Variants in CDH19 observed in about 807,000 individuals in gnomAD.
CDH19 encodes cadherin 19, also known as cadherin-19.
CDH19 carries 67 observed loss-of-function variants against 64.2 expected under a neutral mutation model. That is an observed-to-expected ratio of 1.04 (90% confidence interval 0.86 to 1.28). The LOEUF is 1.28. CDH19 is among the 50% of genes most tolerant of loss of function. The pLI is 0.00. For missense variants in CDH19, 1,030 were observed against 929.0 expected (o/e 1.11, Z -1.41); for synonymous variants, 346 against 319.3 (o/e 1.08, Z -0.89).
Position 66,505,305 on chromosome 18 carries a change from G to C in CDH19, c.1829-3C>G. The C allele has an allele frequency of 1.3e-6, 2 of 1,538,730 alleles. No individual in the cohort carries two copies. Among genetic ancestry groups the C allele is most frequent in the Middle Eastern group, 3.5e-4 (2 of 5,678 alleles). On this transcript the variant is annotated splice_region_variant and splice_polypyrimidine_tract_variant and intron_variant, in intron 11 of 11. Coordinates refer to ENST00000262150, the MANE Select transcript of CDH19 (RefSeq NM_021153.4). ...ACCCAAAGTCAAAAAAATAAACCCT[G>C]ATGAAGAAAGCACATCAGAATATCA...
intron 1 of CDH19, among the ~76,000 whole-genome samples, chr18:66,600,268 A>G (rs1989005590): frequency 6.6e-6 from 1 of 151,830 alleles, no homozygotes. Context: ...GAAAGGGATG[A>G]TGTTTTATAT....
At chr18:66,602,073 GACA>G (rs1989050807) in intron 1 of CDH19, among the ~76,000 whole-genome samples, 1 of 151,838 alleles carries the variant, frequency 6.6e-6, no homozygotes, top group African/African-American at 2.4e-5. Flanking sequence ...AAATCGTCGT[GACA>G]ACAAATTTTT....
chr18:66,564,718 T>C (rs977582692), intron 3 of CDH19, among the ~76,000 whole-genome samples: 5 of 151,960 alleles, frequency 3.3e-5, no homozygotes, highest in Admixed American at 6.6e-5. Context: ...CTATTTATTA[T>C]GGTTGTTTTC....
At position 66,568,459 on chromosome 18, in the gene CDH19, T is replaced by C. The variant is rs982890632; in HGVS notation, c.447A>G (p.Leu149=). The C allele has an allele frequency of 1.1e-5, 17 of 1,611,930 alleles. No individual in the cohort carries two copies. Among genetic ancestry groups the C allele is most frequent in the Non-Finnish European group, 1.4e-5 (16 of 1,178,770 alleles). The change falls in exon 3 of 12, where the codon CTA becomes CTG. Residue 149 remains leucine (L), a synonymous_variant. Transcript: ENST00000262150. ...GTACAATGGCCTCATAAGGTTCATC[T>C]AGGAATTTTGGTTCATTGTCATTGA... ...SDINDNEPKF[L]DEPYEAIVPE... is the part of the protein sequence containing the mutation.
In CDH19 at chr18:66,551,184, T is replaced by C. The variant is rs781606692; in HGVS notation, c.685A>G (p.Met229Val). 7 of 1,601,352 alleles carry C rather than the reference T, an allele frequency of 4.4e-6. 1 individual carries two copies. In the South Asian group the frequency reaches 5.5e-5, roughly 13 times the overall value. Reference sequence around the variant, plus strand: ...GACAACGCTCCTGGCTGACCAATCATGTCCTTGGCTTGAATGATTACCCAA... The same window carrying C: ...GACAACGCTCCTGGCTGACCAATCACGTCCTTGGCTTGAATGATTACCCAA... ...EYWVIIQAKD[M>V]IGQPGALSGT... The change falls in exon 5 of 12, where the codon ATG becomes GTG. Residue 229 changes from methionine (M) to valine (V), a missense_variant. Met to Val is a conservative substitution (Grantham distance 21). Transcript: ENST00000262150.
At chr18:66,594,497 T>C (rs1309779791) in intron 1 of CDH19, among the ~76,000 whole-genome samples, 3 of 151,980 alleles carry the variant, frequency 2.0e-5, no homozygotes, top group African/African-American at 7.2e-5. Context: ...TGCTCTAAAA[T>C]CAACCACACA....
chr18:66,594,126 T>G (rs1319702479), intron 1 of CDH19, among the ~76,000 whole-genome samples: 3 of 152,084 alleles, frequency 2.0e-5, no homozygotes, highest in Non-Finnish European at 4.4e-5. Flanking sequence ...GCTACTATTC[T>G]TCTTTCAGAC....
At chr18:66,520,297 C>T (rs533782078) in intron 9 of CDH19, among the ~76,000 whole-genome samples, 7 of 150,346 alleles carry the variant, frequency 4.7e-5, no homozygotes, top group African/African-American at 1.7e-4. Context: ...TAAACTCTGG[C>T]CATCCTGGGG....
At chr18:66,596,515 T>C (rs1231287846) in intron 1 of CDH19, among the ~76,000 whole-genome samples, 1 of 152,058 alleles carries the variant, frequency 6.6e-6, no homozygotes, top group Admixed American at 6.6e-5. Context: ...AGAACGTCCA[T>C]GCTGAGAGCC....
At position 66,544,012 on chromosome 18, in the gene CDH19, C is replaced by T; in HGVS notation, c.1173G>A (p.Val391=). Reference sequence around the variant, plus strand: ...TATTGTCTGGGTCTGTGGCAGACACCACGCCTACAAATGATCCCTGTGGGG... The same window carrying T: ...TATTGTCTGGGTCTGTGGCAGACACTACGCCTACAAATGATCCCTGTGGGG... ...EETPQGSFVG[V]VSATDPDNRK... Residue 391 remains valine (V), a synonymous_variant, in exon 7 of 12, where the codon GTG becomes GTA. Coordinates refer to ENST00000262150, the MANE Select transcript of CDH19 (RefSeq NM_021153.4). 6.2e-7 allele frequency: 1 copy of T among 1,613,462 alleles called. No homozygotes were observed. The highest frequency in any genetic ancestry group is 1.7e-4 in the Middle Eastern group (1 of 6,060).
At chr18:66,570,868 C>G (rs2144578459) in intron 2 of CDH19, among the ~76,000 whole-genome samples, 1 of 151,658 alleles carries the variant, frequency 6.6e-6, no homozygotes, top group African/African-American at 2.4e-5. Context: ...CCTATAACAC[C>G]TTATTTACTA....
At chr18:66,547,646 T>TTAAGTGTG (rs1486246333) in intron 5 of CDH19, among the ~76,000 whole-genome samples, 1 of 150,134 alleles carries the variant, frequency 6.7e-6, no homozygotes, top group African/African-American at 2.4e-5. Flanking sequence ...AGGAGTTCAG[T>TTAAGTGTG]TAAGTGTGTG....
intron 1 of CDH19, among the ~76,000 whole-genome samples, chr18:66,598,058 A>G (rs1231276821): frequency 2.0e-5 from 3 of 152,176 alleles, no homozygotes; most frequent in African/African-American, 4.8e-5. Flanking sequence ...TATTCCAAAT[A>G]TCACTAATCA....
chr18:66,588,091 TC>T lies in CDH19; in HGVS notation c.-112-15776del, dbSNP rs200736416. On this transcript the variant is annotated intron_variant, in intron 1 of 11. Coordinates refer to ENST00000262150, the MANE Select transcript of CDH19 (RefSeq NM_021153.4). Reference sequence around the variant, plus strand: ...CACTATCTGTGTTGAGTCTGCACATTCCCCCCATGTCTGCATGGGATTATCT... The same window carrying T: ...CACTATCTGTGTTGAGTCTGCACATTCCCCCATGTCTGCATGGGATTATCT... Among the ~76,000 whole-genome samples, 1,190 of 152,178 alleles carry T rather than the reference TC, an allele frequency of 7.8e-3. 18 individuals carry two copies. The highest frequency in any genetic ancestry group is 0.021 in the African/African-American group (881 of 41,550).
chr18:66,540,361 A>G (rs1182892157), intron 7 of CDH19, among the ~76,000 whole-genome samples: 1 of 152,188 alleles, frequency 6.6e-6, no homozygotes, highest in Admixed American at 6.5e-5. Context: ...ATAACGTCCA[A>G]AAAGTAAATC....
rs1398252428 is a variant in CDH19, at chr18:66,544,155, G to T, written c.1030C>A (p.Gln344Lys). ...GCCTCAGTGTGGTACTTCATGAGCT[G>T]CTCAGGAACATGATGGTTTTTAACT... ...AKVKNHHVPEQLMKYHTEAST... is the reference protein window; with the variant it reads ...AKVKNHHVPEKLMKYHTEAST... The change falls in exon 7 of 12, where the codon CAG (glutamine) becomes AAG (lysine). Residue 344 changes from glutamine to lysine, a missense_variant. Coordinates refer to ENST00000262150, the MANE Select transcript of CDH19 (RefSeq NM_021153.4). The T allele has an allele frequency of 1.2e-6, 2 of 1,613,760 alleles. No individual in the cohort carries two copies. The highest frequency in any genetic ancestry group is 1.7e-6 in the Non-Finnish European group (2 of 1,179,692).
chr18:66,523,634 T>C (rs1446021502), intron 9 of CDH19, among the ~76,000 whole-genome samples: 2 of 150,978 alleles, frequency 1.3e-5, no homozygotes, highest in Non-Finnish European at 3.0e-5. Flanking sequence ...GGAGTGGGTC[T>C]CAAGGCGGTT....
At chr18:66,534,939 T>G in intron 8 of CDH19, 47 bp downstream of exon 8, 1 of 1,341,908 alleles carries the variant, frequency 7.5e-7, no homozygotes, top group Non-Finnish European at 9.9e-7. Context: ...TGTAATTATT[T>G]ACAAAATATG....
intron 5 of CDH19, 29 bp downstream of exon 5, chr18:66,551,065 A>G: frequency 8.0e-7 from 1 of 1,253,508 alleles, no homozygotes; most frequent in South Asian, 1.3e-5. Context: ...TTTATAATGT[A>G]ATGAAGATGT....
Sources: allele counts gnomAD v4.1 joint callset (sites outside exome capture counted in the v4.1 genomes callset), GRCh38; gene constraint gnomAD v4.1.1; transcripts MANE v1.5; gene names NCBI Gene and HGNC (gene_info 2026-07-23, HGNC 2026-07-21).